Variants in EPB41L1 observed in about 807,000 individuals in gnomAD.
EPB41L1 encodes the protein erythrocyte membrane protein band 4.1 like 1.
Under a neutral mutation model 97.8 loss-of-function variants are expected in EPB41L1, and 29 were observed. The ratio of observed to expected loss-of-function variants is 0.30; its 90% CI spans 0.22 to 0.40. EPB41L1 has a LOEUF of 0.40. Ranked by LOEUF, EPB41L1 falls within the 10% of genes least tolerant of loss-of-function variation. EPB41L1 has a pLI of 1.00. For synonymous variants in EPB41L1, 383 were observed against 459.2 expected, an observed-to-expected ratio of 0.83 and a Z score of 2.12; for missense variants, 812 against 1,162.3, an observed-to-expected ratio of 0.70 and a Z score of 4.38.
chr20:36,104,507 C>T (rs2058126261), intron 1 of EPB41L1, among the ~76,000 whole-genome samples: 1 of 151,946 alleles, frequency 6.6e-6, no homozygotes, highest in South Asian at 2.1e-4. Flanking sequence ...GAGAGACTGC[C>T]GGGAAGATGG....
chr20:36,214,287 T>G, intron 16 of EPB41L1, 70 bp from the exon 17 acceptor site: 136 of 1,281,086 alleles, frequency 1.1e-4, no homozygotes, highest in Non-Finnish European at 1.4e-4. Flanking sequence ...TGGGAGGCCG[T>G]GAGCCCAGGT....
intron 14 of EPB41L1, among the ~76,000 whole-genome samples, chr20:36,200,585 G>A (rs2062441931): frequency 6.6e-6 from 1 of 152,172 alleles, no homozygotes; most frequent in African/African-American, 2.4e-5. Flanking sequence ...CAACATCTCT[G>A]AATGAGAGTG....
chr20:36,093,860 C>T lies in EPB41L1; in HGVS notation c.-65+2248C>T, dbSNP rs1022528449. ...CCCCTCCGGCCTCCCCCCAGCCCCCCACCAGACCTAGCCTGTGCCAGTCTC... is the reference window on the plus strand; with the variant it reads ...CCCCTCCGGCCTCCCCCCAGCCCCCTACCAGACCTAGCCTGTGCCAGTCTC... On this transcript the variant is annotated intron_variant, in intron 1 of 19. Coordinates refer to the EPB41L1 transcript ENST00000202028. This position sits in a 1 kb window ranked among gnomAD's most constrained non-coding sequence, Gnocchi z 5.4. Among the ~76,000 whole-genome samples, 1 of 152,066 alleles carries T rather than the reference C, an allele frequency of 6.6e-6. No individual in the cohort carries two copies. Among genetic ancestry groups the T allele is most frequent in the African/African-American group, 2.4e-5 (1 of 41,428 alleles).
In EPB41L1 at chr20:36,209,689, G is replaced by A. The variant is rs759759881; in HGVS notation, c.1870G>A (p.Val624Ile). 2.0e-5 allele frequency: 33 copies of A among 1,612,814 alleles called. No individual in the cohort carries two copies. The East Asian group carries it at 6.7e-4, about 33-fold the overall frequency. Reference protein sequence around the residue: ...SSLEAEVDFTVIGDYHGSAFE... With the variant: ...SSLEAEVDFTIIGDYHGSAFE... ...CCTGGAGGCTGAGGTGGACTTCACG[G>A]TCATTGGTGACTACCATGGCAGCGC... The change falls in exon 15 of 22, where the codon GTC becomes ATC. Residue 624 changes from valine to isoleucine, a missense_variant. Transcript: ENST00000338074. This position sits in a 1 kb window ranked among gnomAD's most constrained non-coding sequence, Gnocchi z 4.2.
At chr20:36,174,058 T>A in intron 2 of EPB41L1, 104 bp downstream of exon 2, 1 of 1,237,186 alleles carries the variant, frequency 8.1e-7, no homozygotes, top group Non-Finnish European at 1.2e-6. Flanking sequence ...AGAAGGAAAC[T>A]AAGATTTATT....
intron 2 of EPB41L1, among the ~76,000 whole-genome samples, chr20:36,141,778 G>A (rs1243387998): frequency 1.3e-5 from 2 of 152,124 alleles, no homozygotes; most frequent in African/African-American, 4.8e-5. Context: ...TTTCCTGTTT[G>A]CTTTTTTCTA....
chr20:36,225,487 C>T (rs1016324250), intron 21 of EPB41L1, among the ~76,000 whole-genome samples: 4 of 152,128 alleles, frequency 2.6e-5, no homozygotes, highest in East Asian at 1.9e-4. Context: ...AGGGAGTCCG[C>T]GTGCAGCCAG....
intron 2 of EPB41L1, among the ~76,000 whole-genome samples, chr20:36,148,515 G>A (rs1303219840): frequency 6.6e-6 from 1 of 152,210 alleles, no homozygotes; most frequent in Non-Finnish European, 1.5e-5. Context: ...TGAGGCTGAA[G>A]AGCCAGGTGA....
chr20:36,232,722 C>T lies in EPB41L1; in HGVS notation c.*3382C>T, dbSNP rs2064546492. On this transcript the variant is annotated 3_prime_UTR_variant, in exon 22 of 22. Transcript: ENST00000338074. ...GTCCCCATGCTCCCCCACCTCAGTG[C>T]TCCGTGCTGTATGCGTGTGCTCTCT... The T allele has an allele frequency of 2.5e-6, 1 of 399,076 alleles. No individual in the cohort carries two copies. Among genetic ancestry groups the T allele is most frequent in the Non-Finnish European group, 4.4e-6 (1 of 226,200 alleles). 24.7% of individuals were successfully genotyped at this position (399,076 alleles called of 1,614,324 possible).
chr20:36,116,594 C>T (rs1247646917), intron 2 of EPB41L1, among the ~76,000 whole-genome samples: 1 of 152,142 alleles, frequency 6.6e-6, no homozygotes, highest in Non-Finnish European at 1.5e-5. Flanking sequence ...TGGTCCATTC[C>T]CCGGGGATCA....
At chr20:36,181,288 C>A (rs192185563) in intron 5 of EPB41L1, among the ~76,000 whole-genome samples, 58 of 152,250 alleles carry the variant, frequency 3.8e-4, no homozygotes, top group Non-Finnish European at 7.4e-4. Context: ...TGTAGACTTT[C>A]GCTAATTTTG....
At chr20:36,187,878 T>C (rs1208916797) in intron 8 of EPB41L1, 115 bp downstream of exon 8, 7 of 838,604 alleles carry the variant, frequency 8.3e-6, no homozygotes, top group Non-Finnish European at 1.2e-5. Context: ...CTTGAAACCT[T>C]TTCTGTTCTC....
In EPB41L1 at chr20:36,194,282, G is replaced by A. The variant is rs1446724761; in HGVS notation, c.1371G>A (p.Glu457=). 6.2e-7 allele frequency: 1 copy of A among 1,614,214 alleles called. No individual in the cohort carries two copies. The highest frequency in any genetic ancestry group is 2.2e-5 in the East Asian group (1 of 44,886). Residue 457 remains glutamate, a synonymous_variant, in exon 12 of 22, where the codon GAG becomes GAA. Coordinates refer to ENST00000338074, the MANE Select transcript of EPB41L1 (RefSeq NM_012156.2). The stretch of plus-strand genomic sequence containing the variant: ...GGCCTGACGGTGACAAGCGGGATGA[G>A]GATGGCGAGTCTGGGGGGCAACGGT... ...DAGPDGDKRD[E]DGESGGQRSE...
At chr20:36,167,729 T>C (rs1438180286) in intron 1 of EPB41L1, among the ~76,000 whole-genome samples, 3 of 150,626 alleles carry the variant, frequency 2.0e-5, no homozygotes, top group Non-Finnish European at 4.4e-5. Context: ...ATAATAATAA[T>C]AATAACAATA....
At chr20:36,142,219 A>G (rs2059667010) in intron 2 of EPB41L1, among the ~76,000 whole-genome samples, 1 of 152,196 alleles carries the variant, frequency 6.6e-6, no homozygotes, top group Non-Finnish European at 1.5e-5. Flanking sequence ...TTGTGTTAAG[A>G]ACATGATTAT....
At chr20:36,205,692 T>A (rs2062760567) in intron 14 of EPB41L1, among the ~76,000 whole-genome samples, 1 of 152,186 alleles carries the variant, frequency 6.6e-6, no homozygotes, top group Non-Finnish European at 1.5e-5. Context: ...GGCTGGCACG[T>A]CATGCCTTCC....
rs1241951852 is a variant in EPB41L1, at chr20:36,186,002, A to G, written c.785+667A>G. On this transcript the variant is annotated intron_variant, in intron 7 of 21. Transcript: ENST00000338074. ...TGATTGTAGGCTGGTTATTTAACCT[A>G]TCTAAGCCCCATTTTTCACCTGTAT... Among the ~76,000 whole-genome samples the G allele has an allele frequency of 5.3e-5, 8 of 152,352 alleles. No homozygotes were observed. In the East Asian group the frequency reaches 1.2e-3, roughly 22 times the overall value.
Position 36,190,307 on chromosome 20 carries a change from A to G in EPB41L1, c.1057A>G (p.Lys353Glu), listed in dbSNP as rs1227963651. 6.2e-7 allele frequency: 1 copy of G among 1,614,162 alleles called. No homozygotes were observed. Among genetic ancestry groups the G allele is most frequent in the Non-Finnish European group, 8.5e-7 (1 of 1,180,028 alleles). The change falls in exon 10 of 22, where the codon AAG becomes GAG. Residue 353 changes from lysine (K) to glutamate (E), a missense_variant. Around this residue, in one of 3 missense-constraint regions of EPB41L1, gnomAD observed 230 missense variants for 445.2 expected, o/e 0.52. Transcript: ENST00000338074. This position sits in a 1 kb window ranked among gnomAD's most constrained non-coding sequence, Gnocchi z 5.8. ...YEQFESTIGF[K>E]LPNHRSAKRL... ...GCAATTTGAGAGCACAATTGGCTTT[A>G]AGCTCCCAAACCACCGGTCAGCCAA...
At position 36,231,987 on chromosome 20, in the gene EPB41L1, C is replaced by T. The variant is rs76241699; in HGVS notation, c.*2647C>T. ...GGGAGGATCCTTGTTGTGGATTTTG[C>T]ACCTGGCTTTGGGGCAGGGGTGAAG... On this transcript the variant is annotated 3_prime_UTR_variant, in exon 22 of 22. Coordinates refer to ENST00000338074, the MANE Select transcript of EPB41L1 (RefSeq NM_012156.2). The T allele has an allele frequency of 6.6e-3, 1,016 of 152,966 alleles. 7 individuals carry two copies. The highest frequency in any genetic ancestry group is 0.023 in the African/African-American group (963 of 41,550). 9.5% of individuals were successfully genotyped at this position (152,966 alleles called of 1,614,324 possible).
Sources: gnomAD v4.1 joint callset for allele counts (sites outside exome capture counted in the v4.1 genomes callset) on GRCh38, gnomAD v4.1.1 for gene constraint, gnomAD v4.1.1 regional missense constraint, Gnocchi (gnomAD v3.1) non-coding constraint, MANE v1.5 for transcripts, NCBI Gene and HGNC (gene_info 2026-07-23, HGNC 2026-07-21) for gene names.